NRXN1: variants seen among roughly 807,000 people sequenced by gnomAD.
NRXN1 encodes the protein neurexin 1.
NRXN1 carries 39 observed loss-of-function variants against 150.9 expected under a neutral mutation model. That is an observed-to-expected ratio of 0.26 (90% confidence interval 0.20 to 0.34). The LOEUF (loss-of-function observed/expected upper bound fraction) is 0.34. NRXN1 is among the 10% of genes least tolerant of loss of function. The pLI, the probability that NRXN1 is intolerant of heterozygous loss-of-function variation, is 1.00. For synonymous variants in NRXN1, 924 were observed against 757.0 expected (o/e 1.22, Z -3.62); for missense variants, 1,815 against 1,949.9 (o/e 0.93, Z 1.30).
intron 19 of NRXN1, among the ~76,000 whole-genome samples, chr2:50,079,708 A>T (rs1697656265): frequency 6.6e-6 from 1 of 152,126 alleles, no homozygotes; most frequent in Admixed American, 6.5e-5. Context: ...TTGAGTTTAA[A>T]ATACTAAATC....
intron 18 of NRXN1, among the ~76,000 whole-genome samples, chr2:50,125,528 G>C (rs1165653621): frequency 6.6e-6 from 1 of 151,982 alleles, no homozygotes; most frequent in Non-Finnish European, 1.5e-5. Flanking sequence ...AACTGAGCCA[G>C]AAACTGAAAA....
intron 15 of NRXN1, among the ~76,000 whole-genome samples, chr2:50,475,894 T>C (rs561616122): frequency 1.3e-5 from 2 of 151,676 alleles, no homozygotes; most frequent in Non-Finnish European, 2.9e-5. Context: ...AAATGACCCA[T>C]TAGCACTAAT....
At chr2:50,547,946 A>C (rs1376727991) in intron 9 of NRXN1, among the ~76,000 whole-genome samples, 6 of 152,200 alleles carry the variant, frequency 3.9e-5, no homozygotes, top group Admixed American at 3.3e-4. Context: ...TCAGATTGGA[A>C]GAAGGAACAT....
chr2:50,183,429 T>G (rs2060865079), intron 18 of NRXN1, among the ~76,000 whole-genome samples: 1 of 151,742 alleles, frequency 6.6e-6, no homozygotes, highest in Admixed American at 6.6e-5. Context: ...TTTGGGGAGT[T>G]TTTTTTTAAA....
At chr2:50,175,123 T>C (rs2060271637) in intron 18 of NRXN1, 1 of 152,136 alleles carries the variant, frequency 6.6e-6, no homozygotes, top group South Asian at 2.1e-4. Context: ...GGCCTCATGA[T>C]CCAATGCCCT....
At chr2:50,460,048 T>C (rs1328841969) in intron 17 of NRXN1, among the ~76,000 whole-genome samples, 1 of 152,108 alleles carries the variant, frequency 6.6e-6, no homozygotes, top group Non-Finnish European at 1.5e-5. Context: ...ACTAAAACCA[T>C]TGTCTTTCCT....
chr2:50,459,184 T>C (rs549303255), intron 17 of NRXN1, among the ~76,000 whole-genome samples: 1 of 152,260 alleles, frequency 6.6e-6, no homozygotes, highest in South Asian at 2.1e-4. Flanking sequence ...TCATAAATTA[T>C]AAGGTAATTA....
At chr2:50,625,906 AAAAC>A (rs1294439658) in intron 5 of NRXN1, among the ~76,000 whole-genome samples, 1 of 152,072 alleles carries the variant, frequency 6.6e-6, no homozygotes, top group East Asian at 1.9e-4. Flanking sequence ...TAAATCATCT[AAAAC>A]AAACAACATA....
intron 2 of NRXN1, among the ~76,000 whole-genome samples, chr2:50,947,773 T>C (rs1350526995): frequency 6.6e-6 from 1 of 151,916 alleles, no homozygotes; most frequent in Non-Finnish European, 1.5e-5. Context: ...CTACGAAGGG[T>C]TTCCCTCATT....
intron 21 of NRXN1, among the ~76,000 whole-genome samples, chr2:50,039,014 C>T (rs1690500306): frequency 6.6e-6 from 1 of 151,898 alleles, no homozygotes; most frequent in Non-Finnish European, 1.5e-5. Flanking sequence ...CTCGTCTCTA[C>T]TAAAAATACA....
At chr2:51,005,714 A>C (rs749628470) in intron 2 of NRXN1, among the ~76,000 whole-genome samples, 5 of 151,968 alleles carry the variant, frequency 3.3e-5, no homozygotes, top group African/African-American at 4.8e-5. Context: ...TAAGAGAGGA[A>C]GTAAAGAACA....
intron 18 of NRXN1, among the ~76,000 whole-genome samples, chr2:50,195,888 G>A (rs978276303): frequency 1.3e-5 from 2 of 152,026 alleles, no homozygotes; most frequent in Admixed American, 6.6e-5. Flanking sequence ...AAATGTAAAG[G>A]TAGAATATAA....
At chr2:50,823,656 T>C (rs915990358) in intron 5 of NRXN1, among the ~76,000 whole-genome samples, 1 of 152,148 alleles carries the variant, frequency 6.6e-6, no homozygotes, top group East Asian at 1.9e-4. Flanking sequence ...GTACGCCAAA[T>C]TGTTTTCTAT....
At chr2:50,960,343 CTCCTTTCCT>C (rs1354873422) in intron 2 of NRXN1, among the ~76,000 whole-genome samples, 2 of 150,908 alleles carry the variant, frequency 1.3e-5, no homozygotes, top group Admixed American at 6.6e-5. Flanking sequence ...CCCTCCTTCC[CTCCTTTCCT>C]TCCTTTCCTA....
Position 50,623,428 on chromosome 2 carries a change from G to T in NRXN1, c.1020C>A (p.Val340=). ...YVNLALKNGA[V]SLVINLGSGA... ...CTGATCCCAAATTAATGACCAGAGA[G>T]ACAGCTCCATTTTTCAGGGCAAGAT... is the stretch of plus-strand genomic sequence containing the variant. The change falls in exon 6 of 23, where the codon GTC becomes GTA. Residue 340 remains valine (V), a synonymous_variant. Transcript: ENST00000401669. 1.2e-6 allele frequency: 2 copies of T among 1,613,354 alleles called. No homozygotes were observed. The highest frequency in any genetic ancestry group is 1.1e-5 in the South Asian group (1 of 91,078).
At chr2:49,947,539 T>A (rs1457155526) in intron 21 of NRXN1, among the ~76,000 whole-genome samples, 5 of 141,498 alleles carry the variant, frequency 3.5e-5, no homozygotes, top group African/African-American at 1.0e-4. Flanking sequence ...TTTGTAGAGA[T>A]AAGGTTCCAG....
intron 12 of NRXN1, among the ~76,000 whole-genome samples, chr2:50,511,319 T>A (rs888549398): frequency 2.0e-5 from 3 of 152,168 alleles, no homozygotes; most frequent in African/African-American, 7.2e-5. Context: ...CCTACCAAAG[T>A]GCTGGAATTA....
At chr2:50,710,636 A>T (rs927799936) in intron 5 of NRXN1, among the ~76,000 whole-genome samples, 1 of 152,202 alleles carries the variant, frequency 6.6e-6, no homozygotes, top group African/African-American at 2.4e-5. Flanking sequence ...ATAAGTTAAG[A>T]ATAAGCATTA....
intron 5 of NRXN1, among the ~76,000 whole-genome samples, chr2:50,916,607 C>T (rs1685246635): frequency 6.6e-6 from 1 of 151,708 alleles, no homozygotes; most frequent in Non-Finnish European, 1.5e-5. Context: ...CAACATATTT[C>T]AGTAAAACGC....
Sources: gnomAD v4.1 joint callset for allele counts (sites outside exome capture counted in the v4.1 genomes callset) on GRCh38, gnomAD v4.1.1 for gene constraint, MANE v1.5 for transcripts, NCBI Gene and HGNC (gene_info 2026-07-23, HGNC 2026-07-21) for gene names.